WWP2: variants seen among roughly 807,000 people sequenced by gnomAD.
The protein encoded by WWP2 is NEDD4-like E3 ubiquitin-protein ligase WWP2.
WWP2 carries 57 observed loss-of-function variants against 121.0 expected under a neutral mutation model. That is an observed-to-expected ratio of 0.47 (90% CI 0.38 to 0.59). The LOEUF is 0.59. WWP2 is among the 20% of genes least tolerant of loss of function. The probability of loss-of-function intolerance (pLI) is 0.00; values close to 1 mark genes in which losing one functional copy is unlikely to be tolerated. For synonymous variants in WWP2, 449 were observed against 441.3 expected (o/e 1.02, Z -0.22); for missense variants, 962 against 1,158.9 (o/e 0.83, Z 2.47).
rs1427885790 is a variant in WWP2 at position 69,925,126 on chromosome 16, C to G, written c.1180-304C>G. 1.7e-6 allele frequency: 2 copies of G among 1,144,884 alleles called. No individual in the cohort carries two copies. Among genetic ancestry groups the G allele is most frequent in the South Asian group, 5.6e-5 (2 of 35,978 alleles). 70.9% of individuals were successfully genotyped at this position (1,144,884 alleles called of 1,614,324 possible). A position where few individuals can be genotyped will look rare whatever the true frequency, so the allele number is the denominator to read the frequency against. ...GCCTTCCTACCATGCCAGGGCTGCT[C>G]CCTGCCTCCGCCACCCTGGCACACC... On this transcript the variant is annotated intron_variant, in intron 10 of 23. Transcript: ENST00000359154. This position sits in a 1 kb window ranked among gnomAD's most constrained non-coding sequence, Gnocchi z 4.0.
At chr16:69,831,153 G>T (rs1429752825) in intron 4 of WWP2, among the ~76,000 whole-genome samples, 1 of 152,152 alleles carries the variant, frequency 6.6e-6, no homozygotes, top group Non-Finnish European at 1.5e-5. Context: ...CTTAATCCTG[G>T]CGTCCTTGGC....
chr16:69,845,785 C>T (rs1295758395), intron 6 of WWP2, among the ~76,000 whole-genome samples: 1 of 152,038 alleles, frequency 6.6e-6, no homozygotes, highest in African/African-American at 2.4e-5. Context: ...CGTGGTGGCT[C>T]ATGCCTGTAA....
chr16:69,861,630 T>A lies in WWP2; in HGVS notation c.576-10174T>A, dbSNP rs8050892. Among the ~76,000 whole-genome samples the A allele has an allele frequency of 5.2e-3, 756 of 145,262 alleles. 9 individuals carry two copies. Among genetic ancestry groups the A allele is most frequent in the African/African-American group, 0.019 (708 of 38,076 alleles). ...GTGCCTTTCCCGGTTCACTTCTCCT[T>A]TTACCCGCCCTCTCCTTTTTTTTTT... On this transcript the variant is annotated intron_variant, in intron 6 of 23. Transcript: ENST00000359154.
chr16:69,833,503 A>G (rs1413108047), intron 4 of WWP2, among the ~76,000 whole-genome samples: 2 of 152,166 alleles, frequency 1.3e-5, no homozygotes, highest in Admixed American at 6.5e-5. Flanking sequence ...CTGTCTTTCA[A>G]AGGGCACAGT....
rs1449903989 is a variant in WWP2, at chr16:69,816,647, C to T, written c.340+17352C>T. 2.6e-5 allele frequency among the ~76,000 whole-genome samples: 4 copies of T among 151,918 alleles called. No individual in the cohort carries two copies. The South Asian group carries it at 8.3e-4, about 31-fold the overall frequency. On this transcript the variant is annotated intron_variant, in intron 4 of 23. Coordinates refer to ENST00000359154, the MANE Select transcript of WWP2 (RefSeq NM_001270454.2). ...AAAAAGGACAATATTCTGAGTGCTTCGTATGTATCAGTCATTTTTCTGAAT... is the reference window on the plus strand; with the variant it reads ...AAAAAGGACAATATTCTGAGTGCTTTGTATGTATCAGTCATTTTTCTGAAT...
intron 4 of WWP2, among the ~76,000 whole-genome samples, chr16:69,820,950 G>A (rs964478966): frequency 4.6e-5 from 7 of 152,176 alleles, no homozygotes; most frequent in South Asian, 2.1e-4. Context: ...GGCTCACCTC[G>A]GAGGCTGACA....
chr16:69,900,313 T>C (rs775520513), intron 8 of WWP2, among the ~76,000 whole-genome samples: 1 of 152,186 alleles, frequency 6.6e-6, no homozygotes, highest in Non-Finnish European at 1.5e-5. Context: ...GCCAACCTTT[T>C]ATCTGCAAAA....
At chr16:69,811,196 C>T (rs530799086) in intron 4 of WWP2, among the ~76,000 whole-genome samples, 5 of 152,262 alleles carry the variant, frequency 3.3e-5, no homozygotes, top group Admixed American at 2.0e-4. Context: ...TTGTAGCTCC[C>T]CACTCCTGCA....
intron 16 of WWP2, chr16:69,933,281 A>G (rs529175769): frequency 2.7e-6 from 1 of 374,330 alleles, no homozygotes; most frequent in Non-Finnish European, 5.4e-6. Flanking sequence ...CTCAAGCCCA[A>G]AAGGACTCTG....
At chr16:69,778,789 G>A (rs1017296954) in intron 1 of WWP2, among the ~76,000 whole-genome samples, 4 of 147,430 alleles carry the variant, frequency 2.7e-5, no homozygotes, top group East Asian at 2.0e-4. Context: ...TTATAGTTGC[G>A]CCACCACTCC....
intron 1 of WWP2, among the ~76,000 whole-genome samples, chr16:69,778,010 C>T (rs1273326266): frequency 1.3e-5 from 2 of 149,936 alleles, no homozygotes; most frequent in Non-Finnish European, 3.0e-5. Flanking sequence ...GTTGAGGCTG[C>T]AGTGAGCCAT....
chr16:69,861,178 C>G (rs2057411399), intron 6 of WWP2, among the ~76,000 whole-genome samples: 1 of 152,222 alleles, frequency 6.6e-6, no homozygotes. Flanking sequence ...AAATCACAGG[C>G]TGCTGTCTCT....
intron 3 of WWP2, 89 bp downstream of exon 3, chr16:69,798,918 G>A: frequency 3.2e-6 from 5 of 1,539,090 alleles, no homozygotes; most frequent in African/African-American, 1.4e-5. Context: ...CAGATTCCCT[G>A]TGGCACCTCC....
chr16:69,805,216 G>C (rs914074402), intron 4 of WWP2, among the ~76,000 whole-genome samples: 3 of 151,692 alleles, frequency 2.0e-5, no homozygotes, highest in Non-Finnish European at 4.4e-5. Flanking sequence ...TTGTATTTTT[G>C]GTAGAGACGG....
chr16:69,889,012 C>G (rs1346247497), intron 8 of WWP2, among the ~76,000 whole-genome samples: 1 of 152,208 alleles, frequency 6.6e-6, no homozygotes, highest in African/African-American at 2.4e-5. Context: ...GGCCCTCTTG[C>G]CATCCTTTAG....
At chr16:69,924,637 A>G (rs2058611535) in intron 10 of WWP2, among the ~76,000 whole-genome samples, 1 of 151,846 alleles carries the variant, frequency 6.6e-6, no homozygotes, top group Non-Finnish European at 1.5e-5. Flanking sequence ...CCCTGGAGCC[A>G]GTTCCCCCTT....
In WWP2 at chr16:69,770,062, G is replaced by A. The variant is rs575360742; in HGVS notation, c.-16+7671G>A. 6.6e-5 allele frequency among the ~76,000 whole-genome samples: 10 copies of A among 152,106 alleles called. No homozygotes were observed. In the East Asian group the frequency reaches 7.7e-4, roughly 12 times the overall value. ...TTTTTAGTAGAGATGGGATTTCGCC[G>A]TGTTGGCCAGGCTGGTCTCGAACTC... On this transcript the variant is annotated intron_variant, in intron 1 of 23. Coordinates refer to ENST00000359154, the MANE Select transcript of WWP2 (RefSeq NM_001270454.2).
intron 8 of WWP2, among the ~76,000 whole-genome samples, chr16:69,899,549 G>A (rs2151950593): frequency 6.6e-6 from 1 of 152,126 alleles, no homozygotes; most frequent in Middle Eastern, 3.4e-3. Context: ...AGCCAAGATG[G>A]TGAAACCCTG....
At position 69,799,064 on chromosome 16, in the gene WWP2, C is replaced by T; in HGVS notation, c.219-110C>T. 1 of 1,487,706 alleles carries T rather than the reference C, an allele frequency of 6.7e-7. No homozygotes were observed. Among genetic ancestry groups the T allele is most frequent in the Non-Finnish European group, 9.1e-7 (1 of 1,103,614 alleles). The allele number at this position is 1,487,706 out of a possible 1,614,324, so 92.2% of individuals were successfully genotyped here. ...GGGAAAGGATATATGTGGGTGTCTG[C>T]CTGTTTTGGTTCCCCCTCCCCAAGA... On this transcript the variant is annotated intron_variant, in intron 3 of 23. Transcript: ENST00000359154. This position sits in a 1 kb window ranked among gnomAD's most constrained non-coding sequence, Gnocchi z 4.5.
Sources: gnomAD v4.1 joint callset for allele counts (sites outside exome capture counted in the v4.1 genomes callset) on GRCh38, gnomAD v4.1.1 for gene constraint, Gnocchi (gnomAD v3.1) non-coding constraint, MANE v1.5 for transcripts, NCBI Gene and HGNC (gene_info 2026-07-23, HGNC 2026-07-21) for gene names.